The following ITM2B variants were observed in gnomAD, a reference collection of about 807,000 sequenced individuals.
ITM2B encodes ABri/ADan amyloid peptide.
In ITM2B, 11 loss-of-function variants were observed where a neutral mutation model predicts 27.8. The observed-to-expected ratio is 0.40, with a 90% CI of 0.25 to 0.66. ITM2B has a LOEUF of 0.66. Among genes scored for constraint, ITM2B ranks in the 30% least tolerant of loss-of-function variants. The probability of loss-of-function intolerance (pLI) is 0.43; values close to 1 mark genes in which losing one functional copy is unlikely to be tolerated. For synonymous variants in ITM2B, 114 were observed against 114.3 expected, an observed-to-expected ratio of 1.00 and a Z score of 0.02; for missense variants, 296 against 328.9, an observed-to-expected ratio of 0.90 and a Z score of 0.77.
chr13:48,238,399 G>GA (rs778265150), intron 1 of ITM2B, among the ~76,000 whole-genome samples: 2 of 152,070 alleles, frequency 1.3e-5, no homozygotes, highest in East Asian at 3.8e-4. Flanking sequence ...TGTACTTGGG[G>GA]AAAAATCAGG....
At chr13:48,244,718 CT>C (rs1035630742) in intron 1 of ITM2B, among the ~76,000 whole-genome samples, 45 of 151,988 alleles carry the variant, frequency 3.0e-4, no homozygotes, top group Middle Eastern at 3.4e-3. Flanking sequence ...CAGGTTTGTT[CT>C]TTTTTTTCTT....
At chr13:48,242,356 C>T (rs1951704424) in intron 1 of ITM2B, among the ~76,000 whole-genome samples, 1 of 152,000 alleles carries the variant, frequency 6.6e-6, no homozygotes, top group East Asian at 1.9e-4. Flanking sequence ...AATTGTCTTT[C>T]TGTGTCTTCA....
At chr13:48,258,603 G>C (rs925094599) in intron 4 of ITM2B, among the ~76,000 whole-genome samples, 194 bp from the exon 5 acceptor site, 3 of 152,170 alleles carry the variant, frequency 2.0e-5, no homozygotes, top group African/African-American at 7.2e-5. Context: ...GGGAGACCTA[G>C]GTGGGAGGAT....
intron 1 of ITM2B, among the ~76,000 whole-genome samples, chr13:48,238,081 A>G (rs567579364): frequency 6.6e-6 from 1 of 152,322 alleles, no homozygotes; most frequent in African/African-American, 2.4e-5. Context: ...TGCCTAAATG[A>G]TATACAAAAT....
In ITM2B at chr13:48,262,038, A is replaced by G. The variant is rs1478780020; in HGVS notation, c.*814A>G. 2.6e-5 allele frequency: 4 copies of G among 152,230 alleles called. No homozygotes were observed. Among genetic ancestry groups the G allele is most frequent in the African/African-American group, 9.6e-5 (4 of 41,466 alleles). 9.4% of individuals were successfully genotyped at this position (152,230 alleles called of 1,614,324 possible). A position where few individuals can be genotyped will look rare whatever the true frequency, so the allele number is the denominator to read the frequency against. On this transcript the variant is annotated 3_prime_UTR_variant, in exon 6 of 6. Transcript: ENST00000647800. ...TCTTTAAATAAAAATAAGTCATTTT[A>G]ATAACTAAACCAGATTCTTTGTGGA... is the stretch of plus-strand genomic sequence containing the variant.
At chr13:48,248,730 A>C (rs560074129) in intron 1 of ITM2B, among the ~76,000 whole-genome samples, 2 of 152,352 alleles carry the variant, frequency 1.3e-5, no homozygotes, top group East Asian at 1.9e-4. Context: ...AAAAAAAGTC[A>C]TAATGGTTTA....
chr13:48,244,839 C>G (rs1391471293), intron 1 of ITM2B, among the ~76,000 whole-genome samples: 1 of 152,128 alleles, frequency 6.6e-6, no homozygotes, highest in African/African-American at 2.4e-5. Context: ...GAGTTTCATT[C>G]AGCCAGTGGT....
Position 48,257,755 on chromosome 13 carries a change from C to T in ITM2B, c.454-371C>T, listed in dbSNP as rs188748600. Among the ~76,000 whole-genome samples the T allele has an allele frequency of 1.6e-3, 237 of 152,188 alleles. 1 individual carries two copies. Among genetic ancestry groups the T allele is most frequent in the African/African-American group, 3.1e-3 (128 of 41,524 alleles). On this transcript the variant is annotated intron_variant, in intron 3 of 5. Transcript: ENST00000647800. ...CTAATGTTCTAAGGATGGTAGTATT[C>T]AAGATACATATGAGAAAATTTAATC...
chr13:48,261,121 T>G lies in ITM2B; in HGVS notation c.716-18T>G. On this transcript the variant is annotated intron_variant, in intron 5 of 5. Transcript: ENST00000647800. ...TAAAGAATCAAAATTTTAAAAAACT[T>G]TTTTCCCTCTCCAACAGGTATTCAG... is the stretch of plus-strand genomic sequence containing the variant. The G allele has an allele frequency of 6.3e-7, 1 of 1,587,756 alleles. No individual in the cohort carries two copies. Among genetic ancestry groups the G allele is most frequent in the Non-Finnish European group, 8.6e-7 (1 of 1,159,682 alleles).
chr13:48,258,752 G>A (rs1275202179), intron 4 of ITM2B, 45 bp from the exon 5 acceptor site: 3 of 1,577,174 alleles, frequency 1.9e-6, no homozygotes, highest in Non-Finnish European at 2.6e-6. Context: ...TCTACTCAGT[G>A]TATGTTCTGA....
At chr13:48,250,713 CA>C (rs1178671116) in intron 1 of ITM2B, among the ~76,000 whole-genome samples, 10 of 151,876 alleles carry the variant, frequency 6.6e-5, no homozygotes, top group Non-Finnish European at 1.2e-4. Flanking sequence ...ACCAGTAATG[CA>C]AAATGAATAT....
At position 48,258,867 on chromosome 13, in the gene ITM2B, T is replaced by C. The variant is rs1157731063; in HGVS notation, c.635T>C (p.Ile212Thr). 1.1e-5 allele frequency: 17 copies of C among 1,613,346 alleles called. No homozygotes were observed. The highest frequency in any genetic ancestry group is 4.0e-5 in the African/African-American group (3 of 74,918). The change falls in exon 5 of 6, where the codon ATT becomes ACT. Residue 212 changes from isoleucine (I) to threonine (T), a missense_variant. Physicochemically the swap from Ile to Thr is moderately conservative, Grantham distance 89. Coordinates refer to ENST00000647800, the MANE Select transcript of ITM2B (RefSeq NM_021999.5). ...HMVITDRIEN[I>T]DHLGFFIYRL... ...GTTATTACTGATCGCATTGAAAACA[T>C]TGATCACCTGGGTTTCTTTATTTAT...
intron 1 of ITM2B, among the ~76,000 whole-genome samples, chr13:48,241,224 C>T (rs1251870361): frequency 1.3e-4 from 20 of 152,056 alleles, no homozygotes; most frequent in Non-Finnish European, 1.2e-4. Context: ...GGGCGTGGTG[C>T]GGCGGGCAGC....
At chr13:48,245,559 T>C (rs997385313) in intron 1 of ITM2B, among the ~76,000 whole-genome samples, 8 of 152,038 alleles carry the variant, frequency 5.3e-5, no homozygotes, top group Admixed American at 2.0e-4. Context: ...TTTTTTCAAG[T>C]TCCAACCTAT....
Position 48,253,854 on chromosome 13 carries a change from G to T in ITM2B, c.164G>T (p.Trp55Leu). 6.2e-7 allele frequency: 1 copy of T among 1,613,596 alleles called. No homozygotes were observed. The highest frequency in any genetic ancestry group is 8.5e-7 in the Non-Finnish European group (1 of 1,179,572). The change falls in exon 2 of 6, where the codon TGG becomes TTG. Residue 55 changes from tryptophan to leucine, a missense_variant. By Grantham distance (61) the Trp-to-Leu change is moderately conservative. Coordinates refer to ENST00000647800, the MANE Select transcript of ITM2B (RefSeq NM_021999.5). ...VPVGQRRAWC[W>L]CMCFGLAFML... ...GTTGGCCAAAGAAGAGCCTGGTGTT[G>T]GTGCATGTGCTTTGGACTAGCATTT... is the stretch of plus-strand genomic sequence containing the variant.
At chr13:48,248,809 G>A (rs548496482) in intron 1 of ITM2B, among the ~76,000 whole-genome samples, 49 of 152,328 alleles carry the variant, frequency 3.2e-4, no homozygotes, top group Admixed American at 1.7e-3. Context: ...CATGGGCCAC[G>A]GGTTGGACAA....
intron 5 of ITM2B, among the ~76,000 whole-genome samples, chr13:48,260,900 A>T (rs1340718793): frequency 6.6e-6 from 1 of 152,156 alleles, no homozygotes; most frequent in Non-Finnish European, 1.5e-5. Context: ...CAAGTTCATG[A>T]ATTTGTAAGC....
At chr13:48,233,515 C>T (rs1270781153) in intron 1 of ITM2B, 38 bp downstream of exon 1, 13 of 1,408,806 alleles carry the variant, frequency 9.2e-6, no homozygotes, top group Non-Finnish European at 1.2e-5. Context: ...GGGTGCTGGG[C>T]CCGGCCGGGG....
At chr13:48,260,508 TCCTC>T (rs746140490) in intron 5 of ITM2B, among the ~76,000 whole-genome samples, 45 of 152,086 alleles carry the variant, frequency 3.0e-4, no homozygotes, top group Non-Finnish European at 1.6e-4. Flanking sequence ...AACCCTTACC[TCCTC>T]CCTCCCTCCC....
Sources: allele counts gnomAD v4.1 joint callset (sites outside exome capture counted in the v4.1 genomes callset), GRCh38; gene constraint gnomAD v4.1.1; transcripts MANE v1.5; gene names NCBI Gene and HGNC (gene_info 2026-07-23, HGNC 2026-07-21).